The following ARMC9 variants were observed in gnomAD, a reference collection of about 807,000 sequenced individuals.
ARMC9 encodes lisH domain-containing protein ARMC9.
Under a neutral mutation model 107.0 loss-of-function variants are expected in ARMC9, and 94 were observed. The ratio of observed to expected loss-of-function variants is 0.88; its 90% confidence interval spans 0.74 to 1.04. The LOEUF is 1.04. ARMC9 is among the 50% of genes least tolerant of loss of function. The pLI is 0.00. For synonymous variants in ARMC9, 380 were observed against 396.9 expected (o/e 0.96, Z 0.51); for missense variants, 942 against 1,030.1 (o/e 0.91, Z 1.17).
chr2:231,261,528 G>A (rs896144163), intron 11 of ARMC9, among the ~76,000 whole-genome samples: 1 of 152,148 alleles, frequency 6.6e-6, no homozygotes, highest in African/African-American at 2.4e-5. Flanking sequence ...GTGCTCTACA[G>A]TCAGCCCTGG....
rs150474092 is a variant in ARMC9 at position 231,356,818 on chromosome 2, C to G, written c.2131+884C>G. On this transcript the variant is annotated intron_variant, in intron 22 of 24. Coordinates refer to ENST00000611582, the MANE Select transcript of ARMC9 (RefSeq NM_001352754.2). Reference sequence around the variant, plus strand: ...AAAGGTGAGCAGCTTAGTAATTTATCCAGAGATTTCTGCTGCCAGGGTGGA... The same window carrying G: ...AAAGGTGAGCAGCTTAGTAATTTATGCAGAGATTTCTGCTGCCAGGGTGGA... Among the ~76,000 whole-genome samples, 87 of 152,244 alleles carry G rather than the reference C, an allele frequency of 5.7e-4. 1 individual carries two copies. Among genetic ancestry groups the G allele is most frequent in the African/African-American group, 2.0e-3 (83 of 41,536 alleles).
At chr2:231,329,665 T>A (rs2043588123) in intron 19 of ARMC9, among the ~76,000 whole-genome samples, 1 of 152,250 alleles carries the variant, frequency 6.6e-6, no homozygotes, top group South Asian at 2.1e-4. Context: ...ATATGTTTTG[T>A]TAGATTTATG....
At chr2:231,350,194 T>C (rs983773255) in intron 21 of ARMC9, among the ~76,000 whole-genome samples, 5 of 151,684 alleles carry the variant, frequency 3.3e-5, no homozygotes, top group African/African-American at 7.3e-5. Flanking sequence ...CCTGGCTAAT[T>C]TTTAAATTTT....
chr2:231,238,739 A>G (rs1183947758), intron 8 of ARMC9, among the ~76,000 whole-genome samples: 1 of 152,256 alleles, frequency 6.6e-6, no homozygotes, highest in Non-Finnish European at 1.5e-5. Context: ...TAGGAGGTCT[A>G]GCCCTGGGAT....
At chr2:231,293,917 C>T (rs967874725) in intron 18 of ARMC9, 4 of 152,182 alleles carry the variant, frequency 2.6e-5, no homozygotes, top group African/African-American at 9.7e-5. Flanking sequence ...AGGAGGAGAG[C>T]CTCCATCCTG....
chr2:231,309,025 A>G (rs1157800061), intron 19 of ARMC9, among the ~76,000 whole-genome samples: 1 of 152,258 alleles, frequency 6.6e-6, no homozygotes, highest in African/African-American at 2.4e-5. Flanking sequence ...GGACCTTTCC[A>G]TTATTTAACC....
At chr2:231,225,521 C>T (rs747664136) in intron 6 of ARMC9, among the ~76,000 whole-genome samples, 1 of 152,146 alleles carries the variant, frequency 6.6e-6, no homozygotes, top group Non-Finnish European at 1.5e-5. Context: ...GATGGAATAT[C>T]GTTTGATATC....
chr2:231,272,807 C>A (rs188881626), intron 13 of ARMC9, 148 bp from the exon 14 acceptor site: 1 of 1,020,852 alleles, frequency 9.8e-7, no homozygotes, highest in Admixed American at 2.4e-5. Context: ...TGAGCCACCG[C>A]GCCCTGCCCA....
chr2:231,203,132 C>T (rs1472272674), intron 1 of ARMC9, among the ~76,000 whole-genome samples: 2 of 152,148 alleles, frequency 1.3e-5, no homozygotes, highest in African/African-American at 2.4e-5. Context: ...AGCCACCCTT[C>T]GTGTTTCTCT....
chr2:231,257,417 C>G (rs1318657081), intron 10 of ARMC9, among the ~76,000 whole-genome samples: 3 of 152,170 alleles, frequency 2.0e-5, no homozygotes, highest in Non-Finnish European at 4.4e-5. Context: ...ACCAGGGTGG[C>G]TTCTGGGACC....
intron 20 of ARMC9, among the ~76,000 whole-genome samples, chr2:231,333,742 G>A (rs1304539223): frequency 1.3e-5 from 2 of 152,298 alleles, no homozygotes; most frequent in East Asian, 1.9e-4. Context: ...AGACCGCGAC[G>A]CATGTACCCC....
chr2:231,270,616 A>G, intron 12 of ARMC9: 1 of 483,848 alleles, frequency 2.1e-6, no homozygotes, highest in South Asian at 1.5e-5. Flanking sequence ...CAGTCCATTT[A>G]TTGTAGTTTT....
intron 7 of ARMC9, among the ~76,000 whole-genome samples, chr2:231,232,910 G>A (rs2035368988): frequency 6.6e-6 from 1 of 152,040 alleles, no homozygotes; most frequent in African/African-American, 2.4e-5. Flanking sequence ...GAGTGCAGTG[G>A]CGTGATCTCA....
At chr2:231,325,178 A>G (rs775486004) in intron 19 of ARMC9, among the ~76,000 whole-genome samples, 1 of 152,206 alleles carries the variant, frequency 6.6e-6, no homozygotes, top group Non-Finnish European at 1.5e-5. Context: ...GGGGCCCTTG[A>G]TTACGCCACT....
At chr2:231,355,738 T>C in intron 21 of ARMC9, 60 bp from the exon 22 acceptor site, 1 of 1,485,070 alleles carries the variant, frequency 6.7e-7, no homozygotes, top group South Asian at 1.3e-5. Flanking sequence ...CAGTCGGCAG[T>C]CGGCAGTCCG....
intron 16 of ARMC9, among the ~76,000 whole-genome samples, chr2:231,280,205 G>A (rs569128750): frequency 4.2e-4 from 64 of 152,322 alleles, no homozygotes; most frequent in Admixed American, 9.2e-4. Flanking sequence ...TGTAATCCCA[G>A]CAATTTTGGG....
At chr2:231,276,970 A>G (rs1213211766) in intron 15 of ARMC9, among the ~76,000 whole-genome samples, 195 bp downstream of exon 15, 1 of 152,238 alleles carries the variant, frequency 6.6e-6, no homozygotes, top group East Asian at 1.9e-4. Flanking sequence ...TTGCCCTGGA[A>G]AAAATGTCTT....
intron 19 of ARMC9, among the ~76,000 whole-genome samples, chr2:231,302,549 A>T (rs2125496585): frequency 6.6e-6 from 1 of 150,776 alleles, no homozygotes; most frequent in Non-Finnish European, 1.5e-5. Context: ...TGAAGGACAT[A>T]AAGAAAATCT....
rs950669286 is a variant in ARMC9 at position 231,291,411 on chromosome 2, A to C, written c.1685A>C (p.Gln562Pro). ...GAAGGCAATGCTGAAATGATCCGCC[A>C]GATAGAATTCATCATCAAGCAGCTA... ...IKEGNAEMIR[Q>P]IEFIIKQLNS... The change falls in exon 18 of 25, where the codon CAG (glutamine) becomes CCG (proline). Residue 562 changes from glutamine to proline, a missense_variant. Gln to Pro is a moderately conservative substitution (Grantham distance 76). Coordinates refer to ENST00000611582, the MANE Select transcript of ARMC9 (RefSeq NM_001352754.2). 6.2e-7 allele frequency: 1 copy of C among 1,613,814 alleles called. No individual in the cohort carries two copies. Among genetic ancestry groups the C allele is most frequent in the Non-Finnish European group, 8.5e-7 (1 of 1,179,838 alleles).
Sources: gnomAD v4.1 joint callset for allele counts (sites outside exome capture counted in the v4.1 genomes callset) on GRCh38, gnomAD v4.1.1 for gene constraint, MANE v1.5 for transcripts, NCBI Gene and HGNC (gene_info 2026-07-23, HGNC 2026-07-21) for gene names.